WDPCP: variants seen among roughly 807,000 people sequenced by gnomAD.
WDPCP encodes WD repeat containing planar cell polarity effector.
In WDPCP, 71 loss-of-function variants were observed where a neutral mutation model predicts 93.1. The observed-to-expected ratio is 0.76, with a 90% CI of 0.63 to 0.93. The LOEUF (loss-of-function observed/expected upper bound fraction) is 0.93, where lower values mean the gene tolerates loss of function less well. Ranked by LOEUF, WDPCP falls within the 40% of genes least tolerant of loss-of-function variation. WDPCP has a pLI of 0.00. For synonymous variants in WDPCP, 315 were observed against 315.0 expected (o/e 1.00, Z 0.00); for missense variants, 844 against 887.4 (o/e 0.95, Z 0.62).
At chr2:63,354,039 T>C (rs911542926) in intron 12 of WDPCP, among the ~76,000 whole-genome samples, 19 of 152,132 alleles carry the variant, frequency 1.2e-4, no homozygotes, top group African/African-American at 4.3e-4. Context: ...TGAAAGCCTC[T>C]CTGCCACTGC....
At chr2:63,820,951 T>C (rs575544598) in intron 1 of WDPCP, among the ~76,000 whole-genome samples, 1 of 152,290 alleles carries the variant, frequency 6.6e-6, no homozygotes, top group African/African-American at 2.4e-5. Flanking sequence ...TGTGGTTTGT[T>C]TTTTAAAGCC....
intron 14 of WDPCP, among the ~76,000 whole-genome samples, chr2:63,195,764 G>C (rs1675385353): frequency 6.6e-6 from 1 of 152,046 alleles, no homozygotes; most frequent in South Asian, 2.1e-4. Context: ...AAAACATGTA[G>C]ATACTAGTCT....
At chr2:63,409,355 A>C (rs1394251435) in intron 9 of WDPCP, among the ~76,000 whole-genome samples, 3 of 152,218 alleles carry the variant, frequency 2.0e-5, no homozygotes, top group Non-Finnish European at 4.4e-5. Context: ...GGGGGAGAGT[A>C]CTACATCAAG....
intron 2 of WDPCP, among the ~76,000 whole-genome samples, chr2:63,708,519 G>A (rs554341972): frequency 1.4e-4 from 22 of 152,308 alleles, no homozygotes; most frequent in Non-Finnish European, 2.2e-4. Flanking sequence ...TCCAGGTGCC[G>A]TCTGTCACCC....
chr2:63,146,348 T>C (rs182482416), intron 17 of WDPCP, among the ~76,000 whole-genome samples: 2 of 152,172 alleles, frequency 1.3e-5, no homozygotes, highest in Non-Finnish European at 2.9e-5. Context: ...GGGTTTGTCA[T>C]ATATGGCTCT....
chr2:63,703,890 C>G (rs1326928427), intron 2 of WDPCP, among the ~76,000 whole-genome samples: 1 of 152,138 alleles, frequency 6.6e-6, no homozygotes, highest in East Asian at 1.9e-4. Context: ...TTACCTTGGG[C>G]AGTATGGCCA....
intron 2 of WDPCP, among the ~76,000 whole-genome samples, chr2:63,735,968 G>A (rs1669634559): frequency 6.6e-6 from 1 of 152,088 alleles, no homozygotes; most frequent in African/African-American, 2.4e-5. Context: ...TTTTCTTTTT[G>A]AAATACTTAA....
intron 12 of WDPCP, among the ~76,000 whole-genome samples, chr2:63,355,127 C>T (rs1689917849): frequency 6.6e-6 from 1 of 152,086 alleles, no homozygotes; most frequent in Non-Finnish European, 1.5e-5. Flanking sequence ...AGAACATCCA[C>T]AAGACACATA....
rs748390681 is a variant in WDPCP at position 63,152,959 on chromosome 2, T to C, written c.2159-14A>G. ...TCAGTTCTCCGTCTAAAGTAAAAGA[T>C]TAAAACATTAATTATCTTAAAAGTC... On this transcript the variant is annotated splice_polypyrimidine_tract_variant and intron_variant, in intron 16 of 17. Transcript: ENST00000272321. 13 of 1,611,066 alleles carry C rather than the reference T, an allele frequency of 8.1e-6. No homozygotes were observed. In the Admixed American group the frequency reaches 1.5e-4, roughly 19 times the overall value.
chr2:63,480,830 G>A (rs1700223809), intron 6 of WDPCP, among the ~76,000 whole-genome samples: 1 of 152,022 alleles, frequency 6.6e-6, no homozygotes, highest in African/African-American at 2.4e-5. Context: ...GCTTAGGCAA[G>A]GATTTCATGA....
At chr2:63,394,174 G>A (rs975632025) in intron 10 of WDPCP, among the ~76,000 whole-genome samples, 1 of 152,042 alleles carries the variant, frequency 6.6e-6, no homozygotes, top group African/African-American at 2.4e-5. Flanking sequence ...AGAATCTTAA[G>A]GAACTTAAAC....
chr2:63,472,968 C>T (rs1410308117), intron 6 of WDPCP, among the ~76,000 whole-genome samples: 6 of 152,206 alleles, frequency 3.9e-5, no homozygotes, highest in South Asian at 2.1e-4. Flanking sequence ...GTTCCATTTA[C>T]GGCATTGTCC....
Position 63,575,461 on chromosome 2 carries a change from A to ATGCACTG in WDPCP, c.75+12735_75+12736insCAGTGCA, listed in dbSNP as rs1558832783. On this transcript the variant is annotated intron_variant, in intron 1 of 17. Transcript: ENST00000272321. ...ACAGTGTATACACTGTATATACAGT[A>ATGCACTG]TATATGCAGTATATACAGTGTATAT... 0.014 allele frequency among the ~76,000 whole-genome samples: 248 copies of ATGCACTG among 17,262 alleles called. 45 individuals carry two copies. The Middle Eastern group carries it at 0.19, about 13-fold the overall frequency. The allele number at this position is 17,262 out of a possible 152,430, so 11.3% of individuals were successfully genotyped here. A position where few individuals can be genotyped will look rare whatever the true frequency, so the allele number is the denominator to read the frequency against.
Position 63,153,563 on chromosome 2 carries a change from T to A in WDPCP, c.2090A>T (p.Asp697Val), listed in dbSNP as rs376547832. 6.2e-7 allele frequency: 1 copy of A among 1,612,144 alleles called. No individual in the cohort carries two copies. The highest frequency in any genetic ancestry group is 1.3e-5 in the African/African-American group (1 of 74,880). The change falls in exon 16 of 18, where the codon GAC becomes GTC. Residue 697 changes from aspartate to valine, a missense_variant. By Grantham distance (152) the Asp-to-Val change is radical. Transcript: ENST00000272321. Reference protein sequence around the residue: ...LNGSSNRQIIDRRNELEKDIC... With the variant: ...LNGSSNRQIIVRRNELEKDIC... ...GTCTTTTTCAAGTTCATTCCTTCTG[T>A]CAATTATTTGTCTGCAGTATATGGG...
At chr2:63,579,428 G>T (rs1291118931) in intron 1 of WDPCP, among the ~76,000 whole-genome samples, 5 of 152,066 alleles carry the variant, frequency 3.3e-5, no homozygotes, top group Admixed American at 3.3e-4. Context: ...TGGCCAACAT[G>T]GTGAAACTCT....
chr2:63,373,138 A>G (rs1021104086), intron 12 of WDPCP, among the ~76,000 whole-genome samples: 2 of 152,042 alleles, frequency 1.3e-5, no homozygotes, highest in Non-Finnish European at 2.9e-5. Flanking sequence ...CAAACAAACA[A>G]ACCAAAAACA....
At chr2:63,154,134 C>T (rs150024971) in intron 15 of WDPCP, among the ~76,000 whole-genome samples, 80 of 151,866 alleles carry the variant, frequency 5.3e-4, no homozygotes, top group Non-Finnish European at 1.1e-3. Flanking sequence ...CATCATCTTT[C>T]ACTTATTTTT....
intron 14 of WDPCP, among the ~76,000 whole-genome samples, chr2:63,250,626 G>T (rs1294226002): frequency 6.6e-6 from 1 of 152,138 alleles, no homozygotes; most frequent in Admixed American, 6.6e-5. Flanking sequence ...CTCAAGTTCT[G>T]TGAATTTATA....
intron 2 of WDPCP, chr2:63,684,859 G>A (rs142825169): frequency 1.4e-4 from 42 of 308,344 alleles, no homozygotes; most frequent in African/African-American, 8.0e-4. Context: ...ATTAAACAAT[G>A]TGCTCCTGAA....
Sources: allele counts gnomAD v4.1 joint callset (sites outside exome capture counted in the v4.1 genomes callset), GRCh38; gene constraint gnomAD v4.1.1; transcripts MANE v1.5; gene names NCBI Gene and HGNC (gene_info 2026-07-23, HGNC 2026-07-21).